Variants in CCNB2 observed in about 807,000 individuals in gnomAD.
CCNB2 encodes G2/mitotic-specific cyclin-B2.
Under a neutral mutation model 51.1 loss-of-function variants are expected in CCNB2, and 39 were observed. That is an observed-to-expected ratio of 0.76 (90% CI 0.59 to 1.00). CCNB2 has a LOEUF of 1.00. Among genes scored for constraint, CCNB2 ranks in the 50% least tolerant of loss-of-function variants. The pLI is 0.00. For synonymous variants in CCNB2, 174 were observed against 165.5 expected (o/e 1.05, Z -0.40); for missense variants, 472 against 470.3 (o/e 1.00, Z -0.03).
At chr15:59,124,471 A>G (rs1437840369) in intron 8 of CCNB2, 3 of 399,422 alleles carry the variant, frequency 7.5e-6, no homozygotes, top group Non-Finnish European at 1.4e-5. Context: ...GGTGTCGTAA[A>G]CACAGCTCCC....
At position 59,114,612 on chromosome 15, in the gene CCNB2, G is replaced by C; in HGVS notation, c.436G>C (p.Glu146Gln). 6.3e-7 allele frequency: 1 copy of C among 1,590,212 alleles called. No homozygotes were observed. The highest frequency in any genetic ancestry group is 8.6e-7 in the Non-Finnish European group (1 of 1,164,290). ...KDIYQYLRQL[E>Q]VLQSINPHFL... is the part of the protein sequence containing the mutation. Reference sequence around the variant, plus strand: ...TATCTATCAGTATCTCAGGCAGCTGGAGGTAGGTGGGCCTTTGTGTTTTGG... The same window carrying C: ...TATCTATCAGTATCTCAGGCAGCTGCAGGTAGGTGGGCCTTTGTGTTTTGG... The change falls in exon 4 of 9, where the codon GAG (glutamate) becomes CAG (glutamine). Residue 146 changes from glutamate to glutamine, a missense_variant and splice_region_variant. Physicochemically the swap from Glu to Gln is conservative, Grantham distance 29. Coordinates refer to ENST00000288207, the MANE Select transcript of CCNB2 (RefSeq NM_004701.4).
Position 59,107,569 on chromosome 15 carries a change from A to G in CCNB2, c.166A>G (p.Thr56Ala). 1 of 1,614,192 alleles carries G rather than the reference A, an allele frequency of 6.2e-7. No individual in the cohort carries two copies. Among genetic ancestry groups the G allele is most frequent in the East Asian group, 2.2e-5 (1 of 44,882 alleles). ...AAQVAKKAQN[T>A]KVPVQPTKTT... ...TTTTTCCTTATAGAAAGCTCAGAAC[A>G]CCAAAGTTCCAGTTCAACCCACCAA... Residue 56 changes from threonine to alanine, a missense_variant, in exon 3 of 9, where the codon ACC becomes GCC. Coordinates refer to ENST00000288207, the MANE Select transcript of CCNB2 (RefSeq NM_004701.4).
intron 5 of CCNB2, chr15:59,116,027 C>T (rs1336554557): frequency 3.3e-5 from 5 of 151,966 alleles, no homozygotes; most frequent in Non-Finnish European, 1.5e-5. Context: ...CCACTGTGCC[C>T]ATCCGTGGTA....
Position 59,124,751 on chromosome 15 carries a change from C to G in CCNB2, c.1087-16C>G, listed in dbSNP as rs1359553813. The G allele has an allele frequency of 6.3e-7, 1 of 1,588,316 alleles. No homozygotes were observed. Among genetic ancestry groups the G allele is most frequent in the African/African-American group, 1.3e-5 (1 of 74,324 alleles). ...GGGGTTCCTGACATGTGCTTAATCACAAATGACTTCTGCAGGCCATCAAGA... is the reference window on the plus strand; with the variant it reads ...GGGGTTCCTGACATGTGCTTAATCAGAAATGACTTCTGCAGGCCATCAAGA... On this transcript the variant is annotated splice_polypyrimidine_tract_variant and intron_variant, in intron 8 of 8. Coordinates refer to ENST00000288207, the MANE Select transcript of CCNB2 (RefSeq NM_004701.4).
In CCNB2 at chr15:59,124,811, C is replaced by T. The variant is rs61751104; in HGVS notation, c.1131C>T (p.Ser377=). 12,987 of 1,613,092 alleles carry T rather than the reference C, an allele frequency of 8.1e-3. 72 individuals carry two copies. The highest frequency in any genetic ancestry group is 9.7e-3 in the Non-Finnish European group (11,443 of 1,179,458). ...KYASSKLLKI[S]MIPQLNSKAV... Reference sequence around the variant, plus strand: ...CAAGCAGCAAACTCCTGAAGATCAGCATGATCCCTCAGCTGAACTCAAAAG... The same window carrying T: ...CAAGCAGCAAACTCCTGAAGATCAGTATGATCCCTCAGCTGAACTCAAAAG... The change falls in exon 9 of 9, where the codon AGC becomes AGT. Residue 377 remains serine (S), a synonymous_variant. Transcript: ENST00000288207.
chr15:59,122,836 A>C (rs1200879689), intron 7 of CCNB2, among the ~76,000 whole-genome samples: 1 of 152,168 alleles, frequency 6.6e-6, no homozygotes, highest in African/African-American at 2.4e-5. Context: ...GTGCCCCGCC[A>C]ATTTATATAT....
intron 7 of CCNB2, among the ~76,000 whole-genome samples, chr15:59,117,937 C>T (rs139644875): frequency 3.5e-4 from 54 of 152,232 alleles, no homozygotes; most frequent in African/African-American, 1.3e-3. Context: ...ACCCTTGTCT[C>T]TTGGGAAAGA....
intron 5 of CCNB2, chr15:59,116,097 A>G (rs1208038537): frequency 6.6e-6 from 1 of 152,120 alleles, no homozygotes; most frequent in Non-Finnish European, 1.5e-5. Flanking sequence ...AAAAAAAAAA[A>G]GCAATTAAGG....
At chr15:59,110,777 T>G (rs2079254447) in intron 3 of CCNB2, among the ~76,000 whole-genome samples, 1 of 152,212 alleles carries the variant, frequency 6.6e-6, no homozygotes, top group African/African-American at 2.4e-5. Flanking sequence ...TCCAGCCCTT[T>G]ACAGGTAGTC....
At chr15:59,110,120 T>C (rs764333780) in intron 3 of CCNB2, among the ~76,000 whole-genome samples, 12 of 151,796 alleles carry the variant, frequency 7.9e-5, no homozygotes, top group Non-Finnish European at 1.6e-4. Flanking sequence ...AGACCATAAA[T>C]ATGTTACTAA....
At chr15:59,121,257 C>T (rs1236110786) in intron 7 of CCNB2, 1 of 152,126 alleles carries the variant, frequency 6.6e-6, no homozygotes, top group Non-Finnish European at 1.5e-5. Flanking sequence ...GATCAGTCTA[C>T]ATGAAGGATA....
chr15:59,106,030 T>C (rs1013250132), intron 1 of CCNB2, among the ~76,000 whole-genome samples: 5 of 152,204 alleles, frequency 3.3e-5, no homozygotes, highest in African/African-American at 9.7e-5. Flanking sequence ...TCCTGTGGGC[T>C]TGAATTGTAC....
chr15:59,123,268 G>C (rs1486878), intron 7 of CCNB2, among the ~76,000 whole-genome samples: 60,999 of 151,920 alleles, frequency 0.4, 13,435 homozygotes, highest in African/African-American at 0.59. Flanking sequence ...TTGAAAGATC[G>C]TATGGGACCT....
intron 1 of CCNB2, among the ~76,000 whole-genome samples, chr15:59,106,084 C>T (rs2079234699): frequency 6.6e-6 from 1 of 152,148 alleles, no homozygotes; most frequent in Non-Finnish European, 1.5e-5. Flanking sequence ...AGGGCCCTGA[C>T]ACACCTGAGT....
intron 7 of CCNB2, among the ~76,000 whole-genome samples, chr15:59,122,491 T>G (rs1462608723): frequency 4.0e-5 from 6 of 151,534 alleles, no homozygotes; most frequent in Non-Finnish European, 8.8e-5. Context: ...TCCCAAAGTG[T>G]TGGGATTACA....
intron 3 of CCNB2, among the ~76,000 whole-genome samples, chr15:59,110,298 A>G (rs147663318): frequency 1.4e-3 from 214 of 152,346 alleles, no homozygotes; most frequent in African/African-American, 4.5e-3. Flanking sequence ...ATAAAAATCA[A>G]TTCCAGGGTT....
At chr15:59,123,758 C>T (rs2079313801) in intron 8 of CCNB2, 131 bp downstream of exon 8, 2 of 632,944 alleles carry the variant, frequency 3.2e-6, no homozygotes, top group Non-Finnish European at 5.7e-6. Context: ...TAGCACAAAT[C>T]CTTTATCCTT....
At chr15:59,117,427 A>G in intron 7 of CCNB2, 59 bp downstream of exon 7, 1 of 1,540,138 alleles carries the variant, frequency 6.5e-7, no homozygotes, top group Non-Finnish European at 8.9e-7. Flanking sequence ...TCGTAATACA[A>G]AAGGCCTTAG....
intron 7 of CCNB2, 123 bp from the exon 8 acceptor site, chr15:59,123,394 A>G (rs2079311514): frequency 4.8e-6 from 3 of 620,918 alleles, no homozygotes; most frequent in Non-Finnish European, 8.8e-6. Context: ...CCAGAAGGTA[A>G]GAATATTCTT....
Sources: gnomAD v4.1 joint callset for allele counts (sites outside exome capture counted in the v4.1 genomes callset) on GRCh38, gnomAD v4.1.1 for gene constraint, MANE v1.5 for transcripts, NCBI Gene and HGNC (gene_info 2026-07-23, HGNC 2026-07-21) for gene names.